Variants in INPP4B observed in about 807,000 individuals in gnomAD.
The protein encoded by INPP4B is inositol polyphosphate 4-phosphatase type II.
In INPP4B, 55 loss-of-function variants were observed where a neutral mutation model predicts 122.5. That is an observed-to-expected ratio of 0.45 (90% confidence interval 0.36 to 0.56). INPP4B has a LOEUF of 0.56. Ranked by LOEUF, INPP4B falls within the 20% of genes least tolerant of loss-of-function variation. INPP4B has a pLI of 0.00. For synonymous variants in INPP4B, 403 were observed against 388.7 expected (o/e 1.04, Z -0.43); for missense variants, 1,000 against 1,097.7 (o/e 0.91, Z 1.26).
At chr4:142,102,023 C>T (rs906491284) in intron 23 of INPP4B, among the ~76,000 whole-genome samples, 5 of 152,040 alleles carry the variant, frequency 3.3e-5, no homozygotes, top group African/African-American at 1.2e-4. Flanking sequence ...TTCTCACCTG[C>T]TTCTGTGAAA....
chr4:142,715,590 T>C (rs1402745806), intron 2 of INPP4B, among the ~76,000 whole-genome samples: 1 of 151,970 alleles, frequency 6.6e-6, no homozygotes, highest in Admixed American at 6.5e-5. Flanking sequence ...TAAAGCAAAG[T>C]GTGTAGAAAT....
At chr4:142,497,817 T>C (rs1227597001) in intron 2 of INPP4B, among the ~76,000 whole-genome samples, 1 of 152,136 alleles carries the variant, frequency 6.6e-6, no homozygotes, top group African/African-American at 2.4e-5. Context: ...ACCTGCAAAA[T>C]GCCATGGCTT....
At chr4:142,364,779 G>A (rs1419092128) in intron 7 of INPP4B, among the ~76,000 whole-genome samples, 1 of 152,020 alleles carries the variant, frequency 6.6e-6, no homozygotes. Context: ...CCCCAACAGA[G>A]CCCTCCAACA....
chr4:142,561,592 T>C (rs1045752355), intron 2 of INPP4B, among the ~76,000 whole-genome samples: 8 of 152,078 alleles, frequency 5.3e-5, no homozygotes, highest in African/African-American at 1.9e-4. Flanking sequence ...CTAATATTTT[T>C]GTATTTTTAG....
chr4:142,833,261 AATGCAGC>A (rs1363430067), intron 1 of INPP4B, among the ~76,000 whole-genome samples: 2 of 152,114 alleles, frequency 1.3e-5, no homozygotes, highest in East Asian at 3.9e-4. Context: ...TGCTACACAT[AATGCAGC>A]AATTTTATTT....
intron 2 of INPP4B, among the ~76,000 whole-genome samples, chr4:142,709,596 T>C (rs1383623247): frequency 6.6e-6 from 1 of 152,180 alleles, no homozygotes; most frequent in Non-Finnish European, 1.5e-5. Flanking sequence ...TCCTGGGATG[T>C]ACATCCTTCC....
At chr4:142,198,814 A>AT (rs576603475) in intron 14 of INPP4B, among the ~76,000 whole-genome samples, 140 of 152,194 alleles carry the variant, frequency 9.2e-4, no homozygotes, top group African/African-American at 3.3e-3. Flanking sequence ...GACACAATTA[A>AT]TTAAATGACT....
chr4:142,394,256 C>T (rs907227769), intron 7 of INPP4B, among the ~76,000 whole-genome samples: 2 of 152,182 alleles, frequency 1.3e-5, no homozygotes, highest in Non-Finnish European at 2.9e-5. Context: ...TGCCATTCTC[C>T]TGCCTCAGTC....
chr4:142,423,783 G>A, intron 5 of INPP4B: 1 of 428,584 alleles, frequency 2.3e-6, no homozygotes, highest in South Asian at 1.7e-5. Context: ...CCTTCTACAA[G>A]TGGTGGCTTA....
At chr4:142,626,899 C>A (rs1208641857) in intron 2 of INPP4B, among the ~76,000 whole-genome samples, 1 of 151,982 alleles carries the variant, frequency 6.6e-6, no homozygotes, top group African/African-American at 2.4e-5. Flanking sequence ...ATATCACTAT[C>A]CAAAAACACC....
intron 2 of INPP4B, among the ~76,000 whole-genome samples, chr4:142,590,464 T>C (rs1178685280): frequency 6.6e-6 from 1 of 152,134 alleles, no homozygotes; most frequent in African/African-American, 2.4e-5. Context: ...GTTGATAAAA[T>C]TGCTTGGCCC....
rs3775615 is a variant in INPP4B at position 142,059,901 on chromosome 4, A to G, written c.2642+22130T>C. On this transcript the variant is annotated intron_variant, in intron 25 of 25. Coordinates refer to ENST00000262992, the MANE Select transcript of INPP4B (RefSeq NM_001101669.3). ...TGGGTAACTACAACTATTTACTGGT[A>G]TTCTGTTCCCTTTGACAGCATCGTG... Among the ~76,000 whole-genome samples, 22 of 152,280 alleles carry G rather than the reference A, an allele frequency of 1.4e-4. 1 individual carries two copies. In the East Asian group the frequency reaches 4.2e-3, roughly 29 times the overall value.
chr4:142,647,649 G>A (rs975274971), intron 2 of INPP4B, among the ~76,000 whole-genome samples: 10 of 152,284 alleles, frequency 6.6e-5, no homozygotes, highest in African/African-American at 2.4e-4. Flanking sequence ...GAGAGAGGGA[G>A]CACAGTGCAG....
chr4:142,077,316 T>C (rs1278685147), intron 25 of INPP4B, among the ~76,000 whole-genome samples: 2 of 151,956 alleles, frequency 1.3e-5, no homozygotes, highest in South Asian at 2.1e-4. Context: ...AGTAACATAG[T>C]ATAAAACAAA....
chr4:142,216,627 T>C (rs1025419515), intron 12 of INPP4B, among the ~76,000 whole-genome samples: 8 of 152,226 alleles, frequency 5.3e-5, no homozygotes, highest in Non-Finnish European at 8.8e-5. Context: ...TGTCTTACTG[T>C]GTTTAAATAT....
intron 1 of INPP4B, among the ~76,000 whole-genome samples, chr4:142,787,175 G>A (rs1426610154): frequency 6.6e-6 from 1 of 152,048 alleles, no homozygotes; most frequent in Admixed American, 6.6e-5. Context: ...TCAGGTTCAG[G>A]ATAATAAGAA....
At chr4:142,424,221 C>T (rs981158633) in intron 5 of INPP4B, among the ~76,000 whole-genome samples, 2 of 151,614 alleles carry the variant, frequency 1.3e-5, no homozygotes, top group Non-Finnish European at 2.9e-5. Context: ...TCTTAGATAC[C>T]CTAGGAAATA....
chr4:142,258,417 A>G (rs912664835), intron 11 of INPP4B, among the ~76,000 whole-genome samples: 11 of 152,170 alleles, frequency 7.2e-5, no homozygotes, highest in Admixed American at 2.0e-4. Flanking sequence ...TGAACAGGCA[A>G]CCTACAAAAT....
At chr4:142,391,920 A>G (rs1221977852) in intron 7 of INPP4B, among the ~76,000 whole-genome samples, 8 of 152,214 alleles carry the variant, frequency 5.3e-5, no homozygotes, top group Non-Finnish European at 2.9e-5. Flanking sequence ...TTCTGATTGT[A>G]TAAAAGCTTT....
Sources: allele counts gnomAD v4.1 joint callset (sites outside exome capture counted in the v4.1 genomes callset), GRCh38; gene constraint gnomAD v4.1.1; transcripts MANE v1.5; gene names NCBI Gene and HGNC (gene_info 2026-07-23, HGNC 2026-07-21).